The following ZC3H12B variants were observed in gnomAD, a reference collection of about 807,000 sequenced individuals.
ZC3H12B encodes zinc finger CCCH-type containing 12B, also known as probable ribonuclease ZC3H12B.
A neutral mutation model predicts 43.9 loss-of-function variants in ZC3H12B; 7 were observed. The observed-to-expected ratio is 0.16, with a 90% CI of 0.09 to 0.30. The LOEUF (loss-of-function observed/expected upper bound fraction) is 0.30. ZC3H12B is among the 10% of genes least tolerant of loss of function. The pLI is 1.00. For synonymous variants in ZC3H12B, 222 were observed against 241.7 expected, an observed-to-expected ratio of 0.92 and a Z score of 0.76; for missense variants, 475 against 670.2, an observed-to-expected ratio of 0.71 and a Z score of 3.22.
chrX:65,484,669 T>G (rs1324294426), upstream of ZC3H12B, among the ~76,000 whole-genome samples: 1 of 112,621 alleles, frequency 8.9e-6, no homozygotes, highest in Non-Finnish European at 1.9e-5. Context: ...GAGAACTTAC[T>G]ATTTTGTTCT....
At chrX:65,141,089 C>G in the ZC3H12B span, among the ~76,000 whole-genome samples, 1 of 110,420 alleles carries the variant, frequency 9.1e-6, no homozygotes, top group African/African-American at 3.3e-5. Flanking sequence ...TTATTTATCT[C>G]CTTCTACAAT....
the ZC3H12B span, among the ~76,000 whole-genome samples, chrX:65,148,391 A>G: frequency 8.9e-6 from 1 of 111,916 alleles, no homozygotes; most frequent in Non-Finnish European, 1.9e-5. Context: ...GGATCAGCCT[A>G]GTACTGCTGG....
At chrX:65,326,598 G>A in the ZC3H12B span, among the ~76,000 whole-genome samples, 3 of 108,975 alleles carry the variant, frequency 2.8e-5, no homozygotes, top group African/African-American at 1.0e-4. Context: ...TAGATAGATT[G>A]TCAGCATGAC....
the ZC3H12B span, among the ~76,000 whole-genome samples, chrX:65,350,820 G>A: frequency 1.8e-5 from 2 of 111,422 alleles, no homozygotes; most frequent in Non-Finnish European, 3.8e-5. Context: ...ATATAAGAGG[G>A]AACACAAACA....
the ZC3H12B span, among the ~76,000 whole-genome samples, chrX:65,073,039 T>G: frequency 8.9e-6 from 1 of 112,314 alleles, no homozygotes; most frequent in Non-Finnish European, 1.9e-5. Context: ...TTCACTCCAG[T>G]GGCCATGTTA....
the ZC3H12B span, among the ~76,000 whole-genome samples, chrX:65,330,412 A>G: frequency 9.0e-6 from 1 of 111,047 alleles, no homozygotes; most frequent in African/African-American, 3.3e-5. Context: ...CTCCTGCCTG[A>G]TTGCCCTGGC....
intron 3 of ZC3H12B, among the ~76,000 whole-genome samples, chrX:65,410,919 A>G (rs1298293024): frequency 1.8e-5 from 2 of 112,350 alleles, no homozygotes; most frequent in Admixed American, 1.9e-4. Context: ...AATACTAAAA[A>G]TAGAGCTATT....
chrX:65,422,635 A>C (rs189329468), intron 3 of ZC3H12B, among the ~76,000 whole-genome samples: 1 of 110,912 alleles, frequency 9.0e-6, no homozygotes, highest in East Asian at 2.8e-4. Flanking sequence ...TGCTGCATCC[A>C]TCAACCCATC....
the ZC3H12B span, among the ~76,000 whole-genome samples, chrX:65,100,543 A>G: frequency 2.3e-5 from 2 of 87,627 alleles, no homozygotes; most frequent in Non-Finnish European, 4.4e-5. Context: ...GGATGGAGGA[A>G]TATTTACCAA....
the ZC3H12B span, among the ~76,000 whole-genome samples, chrX:65,106,660 C>G: frequency 1.1e-4 from 12 of 110,717 alleles, no homozygotes; most frequent in Non-Finnish European, 1.9e-4. Context: ...TTAAGAGTCC[C>G]AAGTTTTTGG....
intron 2 of ZC3H12B, among the ~76,000 whole-genome samples, chrX:65,384,605 A>G (rs2066495433): frequency 9.0e-6 from 1 of 111,516 alleles, no homozygotes; most frequent in Non-Finnish European, 1.9e-5. Flanking sequence ...CTATAGTTTA[A>G]AAAAAATGGC....
At chrX:65,199,528 C>A in the ZC3H12B span, among the ~76,000 whole-genome samples, 1 of 110,110 alleles carries the variant, frequency 9.1e-6, no homozygotes, top group Non-Finnish European at 1.9e-5. Flanking sequence ...TGGTTTGCTG[C>A]ACAGATCATC....
intron 3 of ZC3H12B, among the ~76,000 whole-genome samples, chrX:65,436,999 C>G (rs995144709): frequency 9.1e-6 from 1 of 110,294 alleles, no homozygotes; most frequent in African/African-American, 3.3e-5. Flanking sequence ...ATCACCCTGG[C>G]TGTAGTACAG....
chrX:65,133,444 G>A, the ZC3H12B span, among the ~76,000 whole-genome samples: 2 of 110,308 alleles, frequency 1.8e-5, no homozygotes. Flanking sequence ...TGCCAAATGG[G>A]CCATGAACTG....
chrX:65,219,044 A>C, the ZC3H12B span, among the ~76,000 whole-genome samples: 1 of 111,698 alleles, frequency 9.0e-6, no homozygotes, highest in East Asian at 2.8e-4. Context: ...TAGTAGCTCC[A>C]CTGGGTGGCT....
At chrX:65,335,484 G>A in the ZC3H12B span, among the ~76,000 whole-genome samples, 1 of 111,760 alleles carries the variant, frequency 8.9e-6, no homozygotes, top group African/African-American at 3.3e-5. Context: ...GAGTGTACAA[G>A]GTATTTTCAA....
the ZC3H12B span, among the ~76,000 whole-genome samples, chrX:65,054,793 A>G: frequency 1.7e-4 from 19 of 111,249 alleles, no homozygotes; most frequent in East Asian, 5.7e-4. Context: ...TCCTTGAAGA[A>G]GTCCTTCACA....
At chrX:65,094,258 CTCTT>C in the ZC3H12B span, among the ~76,000 whole-genome samples, 2 of 91,687 alleles carry the variant, frequency 2.2e-5, no homozygotes, top group South Asian at 4.3e-4. Context: ...CCAATTAAGC[CTCTT>C]TTTTTTTTTT....
the ZC3H12B span, among the ~76,000 whole-genome samples, chrX:65,086,747 C>T: frequency 8.9e-6 from 1 of 111,996 alleles, no homozygotes. Context: ...TTTCCTGTCT[C>T]CAGAACTGTG....
Sources: allele counts gnomAD v4.1 joint callset (sites outside exome capture counted in the v4.1 genomes callset), GRCh38; gene constraint gnomAD v4.1.1; transcripts MANE v1.5; gene names NCBI Gene and HGNC (gene_info 2026-07-23, HGNC 2026-07-21).